Variants in RAVER1 observed in about 807,000 individuals in gnomAD.
RAVER1 encodes the protein ribonucleoprotein, PTB binding 1.
A neutral mutation model predicts 68.4 loss-of-function variants in RAVER1; 36 were observed. That is an observed-to-expected ratio of 0.53 (90% CI 0.40 to 0.70). RAVER1 has a LOEUF of 0.70. Ranked by LOEUF, RAVER1 falls within the 30% of genes least tolerant of loss-of-function variation. RAVER1 has a pLI of 0.00. For synonymous variants in RAVER1, 469 were observed against 472.7 expected, an observed-to-expected ratio of 0.99 and a Z score of 0.10; for missense variants, 933 against 1,019.8, an observed-to-expected ratio of 0.91 and a Z score of 1.16.
chr19:10,322,361 C>T lies in RAVER1; in HGVS notation c.1173+284G>A. 2 of 426,142 alleles carry T rather than the reference C, an allele frequency of 4.7e-6. No individual in the cohort carries two copies. The highest frequency in any genetic ancestry group is 8.3e-6 in the Non-Finnish European group (2 of 241,232). The allele number at this position is 426,142 out of a possible 1,614,324, so 26.4% of individuals were successfully genotyped here. ...GGCGCTCCCAGCCCACACCCAGTTT[C>T]AGGCTGTAAATGGGCGTGTCCAGGT... On this transcript the variant is annotated intron_variant, in intron 6 of 12. Transcript: ENST00000617231. This position sits in a 1 kb window ranked among gnomAD's most constrained non-coding sequence, Gnocchi z 4.3.
intron 2 of RAVER1, among the ~76,000 whole-genome samples, chr19:10,330,013 C>T (rs374375754): frequency 2.8e-4 from 42 of 151,998 alleles, no homozygotes; most frequent in African/African-American, 9.7e-4. Context: ...ATCCCAGCTA[C>T]TCGGGAGGCT....
Position 10,322,236 on chromosome 19 carries a change from G to T in RAVER1, c.1173+409C>A. 4.8e-6 allele frequency: 1 copy of T among 209,150 alleles called. No individual in the cohort carries two copies. The highest frequency in any genetic ancestry group is 9.4e-6 in the Non-Finnish European group (1 of 105,822). 13.0% of individuals were successfully genotyped at this position (209,150 alleles called of 1,614,324 possible). A position where few individuals can be genotyped will look rare whatever the true frequency, so the allele number is the denominator to read the frequency against. On this transcript the variant is annotated intron_variant, in intron 6 of 12. Transcript: ENST00000617231. This position sits in a 1 kb window ranked among gnomAD's most constrained non-coding sequence, Gnocchi z 4.3. ...TACCTGTGTTTCTAGGTGTGCGTGT[G>T]TGTGTGTGCACACACTGAGGGGATA... is the stretch of plus-strand genomic sequence containing the variant.
rs775020384 is a variant in RAVER1, at chr19:10,323,530, C to T, written c.793G>A (p.Ala265Thr). 2.5e-6 allele frequency: 4 copies of T among 1,603,726 alleles called. No individual in the cohort carries two copies. Among genetic ancestry groups the T allele is most frequent in the Non-Finnish European group, 1.7e-6 (2 of 1,177,486 alleles). The stretch of plus-strand genomic sequence containing the variant: ...TCAGCCGTCTCATACTCCAGCACCG[C>T]GAAGCCCTTCAGCTGCCCATCCTGG... ...CGQDGQLKGF[A>T]VLEYETAEMA... Residue 265 changes from alanine to threonine, a missense_variant, in exon 4 of 13, where the codon GCG (alanine) becomes ACG (threonine). Around this residue, in one of 3 missense-constraint regions of RAVER1, gnomAD observed 699 missense variants for 731.1 expected, o/e 0.96. Transcript: ENST00000617231. This position sits in a 1 kb window ranked among gnomAD's most constrained non-coding sequence, Gnocchi z 6.2.
rs758864272 is a variant in RAVER1, at chr19:10,317,654, T to G, written c.2073+36A>C. 1.2e-5 allele frequency: 19 copies of G among 1,532,462 alleles called. No homozygotes were observed. In the South Asian group the frequency reaches 2.1e-4, roughly 17 times the overall value. 94.9% of individuals were successfully genotyped at this position (1,532,462 alleles called of 1,614,324 possible). On this transcript the variant is annotated intron_variant, in intron 12 of 12. Coordinates refer to ENST00000617231, the MANE Select transcript of RAVER1 (RefSeq NM_133452.3). The surrounding 1 kb of genome is among the most constrained non-coding windows in gnomAD (Gnocchi z 4.3). ...TCAGGGGCCGCTGGGGGGCCGGGGC[T>G]TCCCAGCCCTGCATGTCCCCACCCC...
At chr19:10,331,914 A>G (rs948905824) in intron 1 of RAVER1, among the ~76,000 whole-genome samples, 2 of 152,152 alleles carry the variant, frequency 1.3e-5, no homozygotes, top group African/African-American at 4.8e-5. Context: ...CCCACCTTCT[A>G]GTAAGCCCCA....
At chr19:10,326,764 T>TG (rs2040478114) in intron 3 of RAVER1, among the ~76,000 whole-genome samples, 1 of 150,130 alleles carries the variant, frequency 6.7e-6, no homozygotes, top group Non-Finnish European at 1.5e-5. Flanking sequence ...TGTTTTTTTT[T>TG]TTTTTTTTTT....
intron 9 of RAVER1, 130 bp downstream of exon 9, chr19:10,320,524 AG>A: frequency 5.5e-6 from 4 of 732,920 alleles, no homozygotes; most frequent in Non-Finnish European, 8.4e-6. Context: ...AAAAAAAAAA[AG>A]CAGAGACCAT....
Position 10,333,354 on chromosome 19 carries a change from C to G in RAVER1, c.154G>C (p.Glu52Gln). The G allele has an allele frequency of 6.2e-7, 1 of 1,613,902 alleles. No individual in the cohort carries two copies. Among genetic ancestry groups the G allele is most frequent in the Non-Finnish European group, 8.5e-7 (1 of 1,179,802 alleles). Residue 52 changes from glutamate to glutamine, a missense_variant, in exon 1 of 13, where the codon GAG (glutamate) becomes CAG (glutamine). Physicochemically the swap from Glu to Gln is conservative, Grantham distance 29. This residue lies in a region of RAVER1 where 211 missense variants were observed against 230.0 expected (regional missense o/e 0.92). Transcript: ENST00000617231. This position sits in a 1 kb window ranked among gnomAD's most constrained non-coding sequence, Gnocchi z 4.2. ...EEIRKRLEHT[E>Q]RQFRNRRKIL... ...TTGCGGCGGTTACGGAACTGGCGCT[C>G]GGTGTGTTCCAGGCGTTTCCGGATC...
Position 10,328,725 on chromosome 19 carries a change from C to T in RAVER1, c.673G>A (p.Val225Met). ...PALLHSRCLC[V>M]DRLPPGFNDV... ...TTGAAGCCAGGTGGCAGGCGGTCCA[C>T]ACAGAGGCAGCGGGAGTGGAGAAGG... The change falls in exon 3 of 13, where the codon GTG (valine) becomes ATG (methionine). Residue 225 changes from valine (V) to methionine (M), a missense_variant. Val to Met is a conservative substitution (Grantham distance 21). Transcript: ENST00000617231. This position sits in a 1 kb window ranked among gnomAD's most constrained non-coding sequence, Gnocchi z 4.4. 1 of 1,611,616 alleles carries T rather than the reference C, an allele frequency of 6.2e-7. No individual in the cohort carries two copies. The highest frequency in any genetic ancestry group is 8.5e-7 in the Non-Finnish European group (1 of 1,179,358).
Position 10,322,491 on chromosome 19 carries a change from G to A in RAVER1, c.1173+154C>T, listed in dbSNP as rs1568311296. 1 of 558,710 alleles carries A rather than the reference G, an allele frequency of 1.8e-6. No homozygotes were observed. The highest frequency in any genetic ancestry group is 3.1e-6 in the Non-Finnish European group (1 of 319,866). 34.6% of individuals were successfully genotyped at this position (558,710 alleles called of 1,614,324 possible). On this transcript the variant is annotated intron_variant, in intron 6 of 12. Coordinates refer to ENST00000617231, the MANE Select transcript of RAVER1 (RefSeq NM_133452.3). The surrounding 1 kb of genome is among the most constrained non-coding windows in gnomAD (Gnocchi z 4.3). ...GCCAGAGGGGGATGGGGATGTGGGT[G>A]GGAAAGGCAGGGGTTTGGGGGAGTC...
Position 10,321,263 on chromosome 19 carries a change from G to T in RAVER1, c.1262-4C>A. ...AGCTCCGGGGGCAGGCCCCCTCCTA[G>T]GGAGGGAAGGAGGATTTCAGGGGCC... is the stretch of plus-strand genomic sequence containing the variant. On this transcript the variant is annotated splice_region_variant and splice_polypyrimidine_tract_variant and intron_variant, in intron 7 of 12. Coordinates refer to ENST00000617231, the MANE Select transcript of RAVER1 (RefSeq NM_133452.3). The T allele has an allele frequency of 7.9e-7, 1 of 1,262,584 alleles. No homozygotes were observed. Among genetic ancestry groups the T allele is most frequent in the Non-Finnish European group, 1.0e-6 (1 of 996,648 alleles). 78.2% of individuals were successfully genotyped at this position (1,262,584 alleles called of 1,614,324 possible).
At chr19:10,331,888 G>A (rs1264012832) in intron 1 of RAVER1, among the ~76,000 whole-genome samples, 1 of 152,152 alleles carries the variant, frequency 6.6e-6, no homozygotes, top group Non-Finnish European at 1.5e-5. Flanking sequence ...CCACCCATGG[G>A]TACCTGACTG....
Position 10,317,591 on chromosome 19 carries a change from C to T in RAVER1, c.2083G>A (p.Gly695Ser), listed in dbSNP as rs779454354. The T allele has an allele frequency of 1.2e-6, 2 of 1,609,424 alleles. No individual in the cohort carries two copies. The highest frequency in any genetic ancestry group is 1.1e-5 in the South Asian group (1 of 90,714). Residue 695 changes from glycine (G) to serine (S), a missense_variant, in exon 13 of 13, where the codon GGC (glycine) becomes AGC (serine). By Grantham distance (56) the Gly-to-Ser change is moderately conservative. Coordinates refer to ENST00000617231, the MANE Select transcript of RAVER1 (RefSeq NM_133452.3). This position sits in a 1 kb window ranked among gnomAD's most constrained non-coding sequence, Gnocchi z 4.3. Reference sequence around the variant, plus strand: ...TGGGCAAAGCTGCGTTTCTGGCCGCCCAGTGGGGTCTGGAGACAGAGGGCA... The same window carrying T: ...TGGGCAAAGCTGCGTTTCTGGCCGCTCAGTGGGGTCTGGAGACAGAGGGCA... ...GHSHLLKTPLGGQKRSFAHLL... is the reference protein window; with the variant it reads ...GHSHLLKTPLSGQKRSFAHLL...
In RAVER1 at chr19:10,322,845, G is replaced by C. The variant is rs1015369365; in HGVS notation, c.1079-106C>G. ...TGATGGGGCAGGAAACTGACACTCT[G>C]GGGCCGGGGGGTGGGCAGTGGACTT... On this transcript the variant is annotated intron_variant, in intron 5 of 12. Coordinates refer to ENST00000617231, the MANE Select transcript of RAVER1 (RefSeq NM_133452.3). This position sits in a 1 kb window ranked among gnomAD's most constrained non-coding sequence, Gnocchi z 4.3. The C allele has an allele frequency of 1.6e-6, 1 of 641,712 alleles. No individual in the cohort carries two copies. Among genetic ancestry groups the C allele is most frequent in the East Asian group, 3.1e-5 (1 of 32,086 alleles). 39.8% of individuals were successfully genotyped at this position (641,712 alleles called of 1,614,324 possible). A position where few individuals can be genotyped will look rare whatever the true frequency, so the allele number is the denominator to read the frequency against.
At chr19:10,324,328 C>G (rs760819528) in intron 3 of RAVER1, among the ~76,000 whole-genome samples, 83 of 152,242 alleles carry the variant, frequency 5.5e-4, no homozygotes, top group Non-Finnish European at 9.9e-4. Context: ...CCTCTGCCCA[C>G]GCCCTGTGCC....
Position 10,323,384 on chromosome 19 carries a change from G to T in RAVER1, c.939C>A (p.Ala313=). 1 of 1,604,788 alleles carries T rather than the reference G, an allele frequency of 6.2e-7. No homozygotes were observed. Among genetic ancestry groups the T allele is most frequent in the Non-Finnish European group, 8.5e-7 (1 of 1,175,806 alleles). Residue 313 remains alanine (A), a synonymous_variant, in exon 4 of 13, where the codon GCC becomes GCA. Coordinates refer to ENST00000617231, the MANE Select transcript of RAVER1 (RefSeq NM_133452.3). The surrounding 1 kb of genome is among the most constrained non-coding windows in gnomAD (Gnocchi z 6.2). ...GRSMLAALIA[A]QATALNRGKG... The stretch of plus-strand genomic sequence containing the variant: ...GCCCGCACAGGCTCACCGTGGCCTG[G>T]GCAGCGATGAGAGCGGCCAGCATAC...
At position 10,323,687 on chromosome 19, in the gene RAVER1, A is replaced by G; in HGVS notation, c.757-121T>C. On this transcript the variant is annotated intron_variant, in intron 3 of 12. Transcript: ENST00000617231. This position sits in a 1 kb window ranked among gnomAD's most constrained non-coding sequence, Gnocchi z 6.2. The stretch of plus-strand genomic sequence containing the variant: ...AGGGTGAACTCCACGCCAGGCCTCC[A>G]CTGCCCTGTGCCTCATTCCTGCATC... The G allele has an allele frequency of 1.0e-6, 1 of 981,078 alleles. No individual in the cohort carries two copies. Among genetic ancestry groups the G allele is most frequent in the Non-Finnish European group, 1.5e-6 (1 of 679,524 alleles). 60.8% of individuals were successfully genotyped at this position (981,078 alleles called of 1,614,324 possible). A position where few individuals can be genotyped will look rare whatever the true frequency, so the allele number is the denominator to read the frequency against.
At position 10,328,736 on chromosome 19, in the gene RAVER1, C is replaced by T. The variant is rs768296431; in HGVS notation, c.662G>A (p.Arg221His). 8.1e-6 allele frequency: 13 copies of T among 1,611,908 alleles called. No homozygotes were observed. The highest frequency in any genetic ancestry group is 1.1e-5 in the South Asian group (1 of 90,934). Residue 221 changes from arginine to histidine, a missense_variant, in exon 3 of 13, where the codon CGC becomes CAC. By Grantham distance (29) the Arg-to-His change is conservative. Around this residue, in one of 3 missense-constraint regions of RAVER1, gnomAD observed 699 missense variants for 731.1 expected, o/e 0.96. Coordinates refer to ENST00000617231, the MANE Select transcript of RAVER1 (RefSeq NM_133452.3). The surrounding 1 kb of genome is among the most constrained non-coding windows in gnomAD (Gnocchi z 4.4). ...GQLTPALLHSRCLCVDRLPPG... is the reference protein window; with the variant it reads ...GQLTPALLHSHCLCVDRLPPG... ...TGGCAGGCGGTCCACACAGAGGCAG[C>T]GGGAGTGGAGAAGGGCAGGCGTCAG... is the stretch of plus-strand genomic sequence containing the variant.
chr19:10,320,527 A>C, intron 9 of RAVER1, 128 bp downstream of exon 9: 4 of 695,508 alleles, frequency 5.8e-6, no homozygotes, highest in Non-Finnish European at 9.0e-6. Flanking sequence ...AAAAAAAAGC[A>C]GAGACCATAT....
Sources: allele counts gnomAD v4.1 joint callset (sites outside exome capture counted in the v4.1 genomes callset), GRCh38; gene constraint gnomAD v4.1.1; regional missense constraint gnomAD v4.1.1; non-coding constraint Gnocchi (gnomAD v3.1); transcripts MANE v1.5; gene names NCBI Gene and HGNC (gene_info 2026-07-23, HGNC 2026-07-21).